Variants in ADAMTSL2 observed in about 807,000 individuals in gnomAD.
ADAMTSL2 encodes the protein ADAMTS like 2, also known as ADAMTS-like protein 2.
Under a neutral mutation model 117.0 loss-of-function variants are expected in ADAMTSL2, and 55 were observed. The observed-to-expected ratio is 0.47, with a 90% CI of 0.38 to 0.59. The LOEUF is 0.59. Ranked by LOEUF, ADAMTSL2 falls within the 20% of genes least tolerant of loss-of-function variation. The pLI, the probability that ADAMTSL2 is intolerant of heterozygous loss-of-function variation, is 0.00. For synonymous variants in ADAMTSL2, 572 were observed against 566.4 expected (o/e 1.01, Z -0.14); for missense variants, 1,182 against 1,354.5 (o/e 0.87, Z 2.00).
At position 133,568,459 on chromosome 9, in the gene ADAMTSL2, C is replaced by G; in HGVS notation, c.2061C>G (p.Pro687=). 1 of 1,607,204 alleles carries G rather than the reference C, an allele frequency of 6.2e-7. No homozygotes were observed. The change falls in exon 14 of 19, where the codon CCC becomes CCG. Residue 687 remains proline (P), a synonymous_variant. Transcript: ENST00000651351. ...RKTCRNPACG[P]QWEMSEWSEC... is the part of the protein sequence containing the mutation. ...CCTGCCGGAACCCCGCCTGCGGGCC[C>G]CAGTGGGAGATGTCGGAGTGGTCCG...
intron 7 of ADAMTSL2, among the ~76,000 whole-genome samples, chr9:133,544,076 C>T (rs1312106275): frequency 6.6e-6 from 1 of 152,252 alleles, no homozygotes; most frequent in East Asian, 1.9e-4. Context: ...TGTCACAAGA[C>T]AGGATTTTAA....
At chr9:133,538,944 T>C (rs569359586) in intron 4 of ADAMTSL2, among the ~76,000 whole-genome samples, 2 of 152,172 alleles carry the variant, frequency 1.3e-5, no homozygotes, top group South Asian at 4.2e-4. Context: ...CCCTGGGCAG[T>C]TGGAACCTGA....
Position 133,560,697 on chromosome 9 carries a change from T to C in ADAMTSL2, c.1650-501T>C, listed in dbSNP as rs888612606. Among the ~76,000 whole-genome samples the C allele has an allele frequency of 2.1e-4, 32 of 152,312 alleles. 1 individual carries two copies. In the East Asian group the frequency reaches 6.0e-3, roughly 28 times the overall value. On this transcript the variant is annotated intron_variant, in intron 11 of 18. Coordinates refer to ENST00000651351, the MANE Select transcript of ADAMTSL2 (RefSeq NM_014694.4). ...AGCCGAGCTTTTTAATTTTGATAATTGGAGGCTGGATGCCTAGTGTCCCCC... is the reference window on the plus strand; with the variant it reads ...AGCCGAGCTTTTTAATTTTGATAATCGGAGGCTGGATGCCTAGTGTCCCCC...
In ADAMTSL2 at chr9:133,536,723, G is replaced by A. The variant is rs200378599; in HGVS notation, c.11G>A (p.Arg4Lys). 4.3e-6 allele frequency: 7 copies of A among 1,614,132 alleles called. No homozygotes were observed. Among genetic ancestry groups the A allele is most frequent in the African/African-American group, 1.3e-5 (1 of 74,954 alleles). Reference sequence around the variant, plus strand: ...GCCTTGCTTCCTAGGATGGATGGCAGATGGCAATGTTCCTGCTGGGCCTGG... The same window carrying A: ...GCCTTGCTTCCTAGGATGGATGGCAAATGGCAATGTTCCTGCTGGGCCTGG... MDG[R>K]WQCSCWAWFL... The change falls in exon 2 of 19, where the codon AGA becomes AAA. Residue 4 changes from arginine to lysine, a missense_variant. By Grantham distance (26) the Arg-to-Lys change is conservative (BLOSUM62 2). Coordinates refer to ENST00000651351, the MANE Select transcript of ADAMTSL2 (RefSeq NM_014694.4).
At chr9:133,534,670 C>T, upstream of ADAMTSL2, 1 of 1,338,046 alleles carries the variant, frequency 7.5e-7, no homozygotes, top group South Asian at 1.9e-5. Flanking sequence ...GTCTGCCTGA[C>T]AGCTATAAAG....
At position 133,541,016 on chromosome 9, in the gene ADAMTSL2, G is replaced by C. The variant is rs143677763; in HGVS notation, c.682+15G>C. The C allele has an allele frequency of 1.2e-6, 2 of 1,610,780 alleles. No individual in the cohort carries two copies. The highest frequency in any genetic ancestry group is 8.5e-7 in the Non-Finnish European group (1 of 1,178,988). On this transcript the variant is annotated intron_variant, in intron 7 of 18. Transcript: ENST00000651351. ...TGCCCACCTTGGTAAGCCACAGCGC[G>C]CCCTGGAGTCCAAGCACAGCAGAGT... is the stretch of plus-strand genomic sequence containing the variant.
chr9:133,533,910 G>T (rs578158431), upstream of ADAMTSL2, among the ~76,000 whole-genome samples: 1 of 152,302 alleles, frequency 6.6e-6, no homozygotes, highest in East Asian at 1.9e-4. Context: ...TAGGTGCCCA[G>T]CCTTGCTTTA....
upstream of ADAMTSL2, among the ~76,000 whole-genome samples, chr9:133,533,481 T>C (rs1371218943): frequency 6.6e-6 from 1 of 152,134 alleles, no homozygotes; most frequent in Non-Finnish European, 1.5e-5. Context: ...GGTGACTTGG[T>C]CCCCGAACCT....
intron 4 of ADAMTSL2, among the ~76,000 whole-genome samples, chr9:133,539,282 C>G (rs747692847): frequency 1.6e-4 from 24 of 152,198 alleles, no homozygotes; most frequent in Non-Finnish European, 2.9e-4. Flanking sequence ...GCTGGGTCCC[C>G]TCCGAGGATG....
Position 133,555,811 on chromosome 9 carries a change from C to G in ADAMTSL2, c.1530C>G (p.Leu510=). ...ACGAGGGGGCTGGCCCTTACCTGCT[C>G]AACGGGTCCTACCTGGAGCTGAGCA... ...EENEGAGPYL[L]NGSYLELSSD... Residue 510 remains leucine (L), a synonymous_variant, in exon 11 of 19, where the codon CTC becomes CTG. Transcript: ENST00000651351. 1 of 1,613,864 alleles carries G rather than the reference C, an allele frequency of 6.2e-7. No homozygotes were observed. Among genetic ancestry groups the G allele is most frequent in the Non-Finnish European group, 8.5e-7 (1 of 1,180,036 alleles).
chr9:133,566,986 G>A lies in ADAMTSL2; in HGVS notation c.1798G>A (p.Asp600Asn). The change falls in exon 13 of 19, where the codon GAT (aspartate) becomes AAT (asparagine). Residue 600 changes from aspartate to asparagine, a missense_variant. By Grantham distance (23) the Asp-to-Asn change is conservative. This residue lies in a region of ADAMTSL2 where 465 missense variants were observed against 565.3 expected (regional missense o/e 0.82). Transcript: ENST00000651351. ...MCVRYDGVEV[D>N]DSYCDALTRP... ...TGTCCGCTATGATGGCGTCGAGGTG[G>A]ATGACAGCTACTGTGACGCCCTGAC... 1.9e-6 allele frequency: 3 copies of A among 1,611,526 alleles called. No individual in the cohort carries two copies.
chr9:133,568,550 A>G, intron 14 of ADAMTSL2, 53 bp from the exon 15 acceptor site: 1 of 1,559,478 alleles, frequency 6.4e-7, no homozygotes, highest in Non-Finnish European at 8.7e-7. Flanking sequence ...TGGGAGATGG[A>G]GGTGGCTACA....
chr9:133,564,421 G>A (rs1308181062), intron 12 of ADAMTSL2, among the ~76,000 whole-genome samples: 102 of 8,256 alleles, frequency 0.012, no homozygotes, highest in Non-Finnish European at 0.016. Flanking sequence ...AGAGAGAGAG[G>A]GAGAGAGAGA....
At chr9:133,541,413 C>T (rs888761192) in intron 7 of ADAMTSL2, among the ~76,000 whole-genome samples, 3 of 152,020 alleles carry the variant, frequency 2.0e-5, no homozygotes, top group Admixed American at 6.5e-5. Context: ...CTCAGCCTCC[C>T]GAGGAGCTGG....
intron 10 of ADAMTSL2, 66 bp from the exon 11 acceptor site, chr9:133,555,492 C>T (rs908306520): frequency 1.9e-6 from 3 of 1,607,464 alleles, no homozygotes; most frequent in African/African-American, 2.7e-5. Context: ...AGGTCCCCTC[C>T]CCAGGGCAGC....
intron 9 of ADAMTSL2, among the ~76,000 whole-genome samples, chr9:133,548,614 C>T (rs1166245133): frequency 2.0e-5 from 3 of 151,926 alleles, no homozygotes; most frequent in Admixed American, 6.5e-5. Flanking sequence ...GCAGTTTCAA[C>T]GGGCTTCGGC....
chr9:133,549,541 CTTTTTT>C (rs33971536), intron 9 of ADAMTSL2, among the ~76,000 whole-genome samples: 30,694 of 134,754 alleles, frequency 0.23, 3,602 homozygotes, highest in South Asian at 0.31. Context: ...CTTTCCTACT[CTTTTTT>C]TTTTTTTTTT....
chr9:133,564,281 AGAGAGAGAGG>A (rs1353729694), intron 12 of ADAMTSL2, among the ~76,000 whole-genome samples: 9 of 51,110 alleles, frequency 1.8e-4, no homozygotes, highest in African/African-American at 7.6e-4. Flanking sequence ...AGAAAGAGGG[AGAGAGAGAGG>A]GAGAGAGAGG....
chr9:133,540,948 G>A lies in ADAMTSL2; in HGVS notation c.629G>A (p.Gly210Asp). Residue 210 changes from glycine (G) to aspartate (D), a missense_variant, in exon 7 of 19, where the codon GGT becomes GAT. Gly to Asp is a moderately conservative substitution (Grantham distance 94, BLOSUM62 -1). This residue lies in a region of ADAMTSL2 where 372 missense variants were observed against 463.4 expected (regional missense o/e 0.80). Coordinates refer to ENST00000651351, the MANE Select transcript of ADAMTSL2 (RefSeq NM_014694.4). ...LDKCGICQGD[G>D]SSCTHVTGNY... ...AAGTGTGGCATCTGCCAGGGGGACG[G>A]TAGCAGCTGCACCCACGTGACGGGC... 2 of 1,613,420 alleles carry A rather than the reference G, an allele frequency of 1.2e-6. No homozygotes were observed. The highest frequency in any genetic ancestry group is 1.7e-6 in the Non-Finnish European group (2 of 1,180,028).
Sources: allele counts gnomAD v4.1 joint callset (sites outside exome capture counted in the v4.1 genomes callset), GRCh38; gene constraint gnomAD v4.1.1; regional missense constraint gnomAD v4.1.1; transcripts MANE v1.5; gene names NCBI Gene and HGNC (gene_info 2026-07-23, HGNC 2026-07-21).